Variants in AKT1 observed in about 807,000 individuals in gnomAD.
The protein encoded by AKT1 is RAC-alpha serine/threonine-protein kinase.
Under a neutral mutation model 63.1 loss-of-function variants are expected in AKT1, and 21 were observed. The ratio of observed to expected loss-of-function variants is 0.33; its 90% CI spans 0.24 to 0.48. The LOEUF is 0.48. AKT1 is among the 20% of genes least tolerant of loss of function. AKT1 has a pLI of 0.99. For missense variants in AKT1, 382 were observed against 666.0 expected (o/e 0.57, Z 4.69); for synonymous variants, 257 against 253.1 (o/e 1.02, Z -0.15).
rs1892430290 is a variant in AKT1, at chr14:104,772,256, TGAG to T, written c.1260+106_1260+108del. On this transcript the variant is annotated intron_variant, in intron 13 of 14. Transcript: ENST00000649815. ...TTGTACCAGGACTGCAGCAGGCTCC[TGAG>T]GTGAGGGCGAGTGTGTGGGAAATCT... 7.9e-5 allele frequency: 42 copies of T among 529,980 alleles called. No individual in the cohort carries two copies. The East Asian group carries it at 5.0e-3, about 63-fold the overall frequency. 32.8% of individuals were successfully genotyped at this position (529,980 alleles called of 1,614,324 possible). A position where few individuals can be genotyped will look rare whatever the true frequency, so the allele number is the denominator to read the frequency against.
At chr14:104,774,871 C>T in intron 8 of AKT1, 67 bp downstream of exon 8, 1 of 1,534,898 alleles carries the variant, frequency 6.5e-7, no homozygotes, top group East Asian at 2.2e-5. Flanking sequence ...GACATCGTCC[C>T]CTAGAGACAG....
At position 104,770,333 on chromosome 14, in the gene AKT1, C is replaced by T. The variant is rs111793056; in HGVS notation, c.*8G>A. ...CCAAGCTATCGTCCAGCGCAGTCCACCGCCGCCTCAGGCCGTGCCGCTGGC... is the reference window on the plus strand; with the variant it reads ...CCAAGCTATCGTCCAGCGCAGTCCATCGCCGCCTCAGGCCGTGCCGCTGGC... On this transcript the variant is annotated 3_prime_UTR_variant, in exon 15 of 15. Transcript: ENST00000649815. The T allele has an allele frequency of 1.9e-6, 3 of 1,607,480 alleles. No homozygotes were observed. The highest frequency in any genetic ancestry group is 4.5e-5 in the East Asian group (2 of 44,736).
At position 104,770,184 on chromosome 14, in the gene AKT1, T is replaced by C. The variant is rs1010464241; in HGVS notation, c.*157A>G. On this transcript the variant is annotated 3_prime_UTR_variant, in exon 15 of 15. Transcript: ENST00000649815. ...CCTACCCCGCTGCGGGGGAGGGTGC[T>C]GCCCACAGCACAAAAACGTCTTTCC... 1.7e-5 allele frequency: 13 copies of C among 761,726 alleles called. No individual in the cohort carries two copies. The highest frequency in any genetic ancestry group is 2.7e-5 in the Non-Finnish European group (12 of 451,356). The allele number at this position is 761,726 out of a possible 1,614,324, so 47.2% of individuals were successfully genotyped here. A position where few individuals can be genotyped will look rare whatever the true frequency, so the allele number is the denominator to read the frequency against.
intron 3 of AKT1, among the ~76,000 whole-genome samples, chr14:104,792,206 G>A: frequency 6.6e-6 from 1 of 152,200 alleles, no homozygotes; most frequent in East Asian, 1.9e-4. Context: ...CAGGCACCAG[G>A]CCAAGCCAAG....
intron 13 of AKT1, chr14:104,771,533 A>C: frequency 4.3e-6 from 1 of 231,354 alleles, no homozygotes; most frequent in Non-Finnish European, 8.5e-6. Context: ...GGCCCCCCAT[A>C]CCCTTGGAGG....
intron 8 of AKT1, 39 bp downstream of exon 8, chr14:104,774,899 T>TG: frequency 6.3e-7 from 1 of 1,591,038 alleles, no homozygotes; most frequent in African/African-American, 1.3e-5. Flanking sequence ...AGTCGCTACC[T>TG]GGCCCCAGCC....
chr14:104,776,915 C>T, intron 4 of AKT1, 145 bp from the exon 5 acceptor site: 1 of 637,764 alleles, frequency 1.6e-6, no homozygotes, highest in Non-Finnish European at 2.7e-6. Context: ...CTCCAAGCCT[C>T]AGTTTCTCGC....
intron 4 of AKT1, chr14:104,778,155 G>A (rs1284704520): frequency 1.3e-5 from 2 of 152,450 alleles, no homozygotes; most frequent in Non-Finnish European, 2.9e-5. Flanking sequence ...ACCCACCCGT[G>A]TGCCTCTCCA....
rs931485777 is a variant in AKT1, at chr14:104,781,611, C to T, written c.47-1395G>A. ...GCCAGGTGACCTCTCCCTCCTACCC[C>T]GGCCCCAGCTGCCCAATGCCCTTCC... On this transcript the variant is annotated intron_variant, in intron 3 of 14. Transcript: ENST00000649815. Among the ~76,000 whole-genome samples, 10 of 152,200 alleles carry T rather than the reference C, an allele frequency of 6.6e-5. No homozygotes were observed. In the South Asian group the frequency reaches 1.2e-3, roughly 19 times the overall value.
chr14:104,792,299 G>C (rs577472674), intron 3 of AKT1, among the ~76,000 whole-genome samples: 1 of 152,300 alleles, frequency 6.6e-6, no homozygotes, highest in South Asian at 2.1e-4. Flanking sequence ...CAGTGTCCTC[G>C]CTGCCTTCCA....
chr14:104,773,659 C>T, intron 9 of AKT1, 79 bp from the exon 10 acceptor site: 3 of 1,531,656 alleles, frequency 2.0e-6, no homozygotes, highest in Non-Finnish European at 2.6e-6. Flanking sequence ...GTTTCTCAGA[C>T]CGGGTCTCGG....
chr14:104,771,464 G>A (rs1348619214), intron 13 of AKT1: 1 of 232,536 alleles, frequency 4.3e-6, no homozygotes, highest in Non-Finnish European at 8.5e-6. Flanking sequence ...CACCAGCATT[G>A]TCCATTGTCA....
chr14:104,783,769 A>C (rs2140972271), intron 3 of AKT1, among the ~76,000 whole-genome samples: 1 of 152,060 alleles, frequency 6.6e-6, no homozygotes, highest in South Asian at 2.1e-4. Flanking sequence ...TCACACCCCC[A>C]TGCTGGGCTC....
chr14:104,792,982 G>A (rs1406530511), intron 2 of AKT1, 145 bp downstream of exon 2: 2 of 471,836 alleles, frequency 4.2e-6, no homozygotes, highest in South Asian at 2.5e-5. Context: ...CCTTATTCTA[G>A]GCTTAGAGCC....
intron 4 of AKT1, among the ~76,000 whole-genome samples, chr14:104,778,896 C>T (rs1420668886): frequency 6.6e-6 from 1 of 152,204 alleles, no homozygotes; most frequent in Non-Finnish European, 1.5e-5. Flanking sequence ...CGCTCTGCAC[C>T]ACAGACCTGC....
intron 3 of AKT1, 120 bp from the exon 4 acceptor site, chr14:104,780,336 G>C (rs1485903748): frequency 7.2e-7 from 1 of 1,392,578 alleles, no homozygotes; most frequent in Non-Finnish European, 9.7e-7. Flanking sequence ...GTCCCAGGGG[G>C]CAGGCGCGGT....
In AKT1 at chr14:104,792,614, A is replaced by G. The variant is rs2141006850; in HGVS notation, c.30T>C (p.Gly10=). 6.2e-7 allele frequency: 1 copy of G among 1,611,688 alleles called. No individual in the cohort carries two copies. ...GGTACTAACCTCGTTTGTGCAGCCA[A>G]CCCTCCTTCACAATAGCCACGTCGC... is the stretch of plus-strand genomic sequence containing the variant. MSDVAIVKE[G]WLHKRGEYIK... Residue 10 remains glycine, a synonymous_variant, in exon 3 of 15, where the codon GGT becomes GGC. Coordinates refer to ENST00000649815, the MANE Select transcript of AKT1 (RefSeq NM_001382430.1).
intron 4 of AKT1, 127 bp downstream of exon 4, chr14:104,779,961 A>G: frequency 7.4e-7 from 1 of 1,359,092 alleles, no homozygotes; most frequent in South Asian, 1.4e-5. Context: ...CCACCCAGCC[A>G]GTGCTTGTTG....
chr14:104,790,238 A>T (rs61758556), intron 3 of AKT1, among the ~76,000 whole-genome samples: 16,372 of 152,254 alleles, frequency 0.11, 1,209 homozygotes, highest in Non-Finnish European at 0.15. Context: ...GGTGCGGGCC[A>T]GCCTCTGAGA....
Sources: allele counts gnomAD v4.1 joint callset (sites outside exome capture counted in the v4.1 genomes callset), GRCh38; gene constraint gnomAD v4.1.1; transcripts MANE v1.5; gene names NCBI Gene and HGNC (gene_info 2026-07-23, HGNC 2026-07-21).